The following PDE7A variants were observed in gnomAD, a reference collection of about 807,000 sequenced individuals.
The protein encoded by PDE7A is phosphodiesterase 7A.
A neutral mutation model predicts 64.3 loss-of-function variants in PDE7A; 39 were observed. The ratio of observed to expected loss-of-function variants is 0.61; its 90% CI spans 0.47 to 0.79. PDE7A has a LOEUF of 0.79. PDE7A is among the 30% of genes least tolerant of loss of function. PDE7A has a pLI of 0.00. For synonymous variants in PDE7A, 203 were observed against 206.8 expected (o/e 0.98, Z 0.16); for missense variants, 470 against 582.8 (o/e 0.81, Z 1.99).
At chr8:65,811,762 T>C (rs946105242) in intron 1 of PDE7A, among the ~76,000 whole-genome samples, 12 of 152,130 alleles carry the variant, frequency 7.9e-5, no homozygotes, top group Non-Finnish European at 1.2e-4. Flanking sequence ...TTTCGACAAA[T>C]GATAGATTCT....
rs1179324044 is a variant in PDE7A, at chr8:65,789,185, T to C, written c.139-6342A>G. The C allele has an allele frequency of 5.4e-6, 3 of 554,566 alleles. No homozygotes were observed. In the African/African-American group the frequency reaches 5.7e-5, roughly 10 times the overall value. 34.4% of individuals were successfully genotyped at this position (554,566 alleles called of 1,614,324 possible). A position where few individuals can be genotyped will look rare whatever the true frequency, so the allele number is the denominator to read the frequency against. ...ACCGCAGGGTTGGGGTAGAACTGCC[T>C]AAGTAATGTTGGAAGAGGGGAGGGA... On this transcript the variant is annotated intron_variant, in intron 1 of 12. Coordinates refer to ENST00000401827, the MANE Select transcript of PDE7A (RefSeq NM_001242318.3).
At chr8:65,791,295 G>A (rs569126353) in intron 1 of PDE7A, among the ~76,000 whole-genome samples, 7 of 152,256 alleles carry the variant, frequency 4.6e-5, no homozygotes, top group African/African-American at 1.7e-4. Context: ...TTACTGCCAT[G>A]GGCAAATCAC....
intron 1 of PDE7A, among the ~76,000 whole-genome samples, chr8:65,836,995 G>T (rs575550258): frequency 1.3e-5 from 2 of 152,118 alleles, no homozygotes; most frequent in African/African-American, 4.8e-5. Context: ...ATTACATAAG[G>T]CTAATCCTGA....
rs192123515 is a variant in PDE7A, at chr8:65,730,161, T to C, written c.697-2860A>G. 2.6e-3 allele frequency among the ~76,000 whole-genome samples: 358 copies of C among 135,734 alleles called. 5 individuals carry two copies. The South Asian group carries it at 0.032, about 12-fold the overall frequency. The allele number at this position is 135,734 out of a possible 152,430, so 89.0% of individuals were successfully genotyped here. On this transcript the variant is annotated intron_variant, in intron 7 of 12. Coordinates refer to ENST00000401827, the MANE Select transcript of PDE7A (RefSeq NM_001242318.3). ...AAACTGTGCATGTGAGGGATCCAGGTTGCGCACTTCTTTTTTTTTTTTTTT... is the reference window on the plus strand; with the variant it reads ...AAACTGTGCATGTGAGGGATCCAGGCTGCGCACTTCTTTTTTTTTTTTTTT...
At position 65,747,823 on chromosome 8, in the gene PDE7A, A is replaced by C; in HGVS notation, c.284-20T>G. 1 of 1,567,174 alleles carries C rather than the reference A, an allele frequency of 6.4e-7. No individual in the cohort carries two copies. Among genetic ancestry groups the C allele is most frequent in the East Asian group, 2.3e-5 (1 of 44,114 alleles). ...ATTGAGCTGAAATAAAAAGAATAAA[A>C]GGTAAGTATAGCAAGTTAAAATTAT... On this transcript the variant is annotated intron_variant, in intron 3 of 12. Transcript: ENST00000401827.
At chr8:65,821,773 AAATAT>A (rs1199193113) in intron 1 of PDE7A, among the ~76,000 whole-genome samples, 2 of 152,210 alleles carry the variant, frequency 1.3e-5, no homozygotes, top group Non-Finnish European at 2.9e-5. Flanking sequence ...AAAAACTATA[AAATAT>A]ATCAGTATCT....
chr8:65,724,060 T>A (rs531778221), intron 11 of PDE7A, among the ~76,000 whole-genome samples, 195 bp downstream of exon 11: 1 of 152,330 alleles, frequency 6.6e-6, no homozygotes, highest in South Asian at 2.1e-4. Context: ...CATCTGATCA[T>A]TCCAAAAGAG....
rs1380115854 is a variant in PDE7A at position 65,716,910 on chromosome 8, C to G, written c.*2380G>C. ...CCTCAGACCTCTATACCCACACTGT[C>G]CAATATGGTAGCCACTAGCCACATG... On this transcript the variant is annotated 3_prime_UTR_variant, in exon 13 of 13. Coordinates refer to ENST00000401827, the MANE Select transcript of PDE7A (RefSeq NM_001242318.3). Among the ~76,000 whole-genome samples, 1 of 152,132 alleles carries G rather than the reference C, an allele frequency of 6.6e-6. No individual in the cohort carries two copies. The highest frequency in any genetic ancestry group is 1.5e-5 in the Non-Finnish European group (1 of 68,036).
intron 1 of PDE7A, among the ~76,000 whole-genome samples, chr8:65,831,652 CAA>C (rs771604227): frequency 7.2e-6 from 1 of 138,060 alleles, no homozygotes. Flanking sequence ...TATGACTTAC[CAA>C]AAAAAAAAAA....
chr8:65,816,065 CAT>C (rs149081111), intron 1 of PDE7A, among the ~76,000 whole-genome samples: 6,724 of 152,230 alleles, frequency 0.044, 231 homozygotes, highest in African/African-American at 0.1. Flanking sequence ...TCATTTAACA[CAT>C]GTTATTTATG....
intron 1 of PDE7A, among the ~76,000 whole-genome samples, chr8:65,795,784 A>G (rs189199401): frequency 1.9e-4 from 29 of 152,306 alleles, no homozygotes; most frequent in African/African-American, 7.0e-4. Context: ...CAAAAATTAC[A>G]AATTAGTAGG....
intron 4 of PDE7A, among the ~76,000 whole-genome samples, chr8:65,747,008 A>C (rs1413837811): frequency 6.6e-6 from 1 of 152,258 alleles, no homozygotes; most frequent in African/African-American, 2.4e-5. Context: ...AAACAAGCTC[A>C]TTTAACCCTG....
chr8:65,822,902 T>C (rs1326016894), intron 1 of PDE7A, among the ~76,000 whole-genome samples: 1 of 152,126 alleles, frequency 6.6e-6, no homozygotes, highest in African/African-American at 2.4e-5. Flanking sequence ...GGCAGCAGTC[T>C]CCAAAATTTT....
intron 7 of PDE7A, chr8:65,728,048 T>C (rs1806681780): frequency 6.6e-6 from 1 of 152,216 alleles, no homozygotes; most frequent in East Asian, 1.9e-4. Flanking sequence ...TTTCATGAAA[T>C]GCCTCTCATT....
At chr8:65,826,948 A>G (rs1810690290) in intron 1 of PDE7A, among the ~76,000 whole-genome samples, 1 of 152,122 alleles carries the variant, frequency 6.6e-6, no homozygotes, top group Non-Finnish European at 1.5e-5. Context: ...CCATCTTCAC[A>G]TGATTTTCTT....
At chr8:65,820,872 G>A (rs1344338047) in intron 1 of PDE7A, among the ~76,000 whole-genome samples, 1 of 152,208 alleles carries the variant, frequency 6.6e-6, no homozygotes, top group Non-Finnish European at 1.5e-5. Flanking sequence ...TTACAGGCGT[G>A]AGCCACCATG....
chr8:65,739,669 C>A, intron 5 of PDE7A, 72 bp from the exon 6 acceptor site: 1 of 1,293,514 alleles, frequency 7.7e-7, no homozygotes, highest in Non-Finnish European at 1.0e-6. Flanking sequence ...CTTTGAAATA[C>A]AGATTTTGAA....
chr8:65,729,327 T>C (rs1479194019), intron 7 of PDE7A, among the ~76,000 whole-genome samples: 2 of 150,810 alleles, frequency 1.3e-5, no homozygotes, highest in African/African-American at 2.4e-5. Flanking sequence ...TCATTTCCCA[T>C]TGTAATGGTT....
chr8:65,734,313 A>G (rs925298220), intron 7 of PDE7A, among the ~76,000 whole-genome samples: 2 of 152,170 alleles, frequency 1.3e-5, no homozygotes, highest in African/African-American at 2.4e-5. Flanking sequence ...CTTGCAAACT[A>G]TCCACATCCC....
Sources: gnomAD v4.1 joint callset for allele counts (sites outside exome capture counted in the v4.1 genomes callset) on GRCh38, gnomAD v4.1.1 for gene constraint, MANE v1.5 for transcripts, NCBI Gene and HGNC (gene_info 2026-07-23, HGNC 2026-07-21) for gene names.